Variants in TRAPPC9 observed in about 807,000 individuals in gnomAD.
TRAPPC9 encodes the protein IKK2 binding protein.
Under a neutral mutation model 124.0 loss-of-function variants are expected in TRAPPC9, and 83 were observed. That is an observed-to-expected ratio of 0.67 (90% CI 0.56 to 0.80). TRAPPC9 has a LOEUF of 0.80. Among genes scored for constraint, TRAPPC9 ranks in the 30% least tolerant of loss-of-function variants. TRAPPC9 has a pLI of 0.00. For synonymous variants in TRAPPC9, 638 were observed against 617.5 expected, an observed-to-expected ratio of 1.03 and a Z score of -0.49; for missense variants, 1,302 against 1,508.3, an observed-to-expected ratio of 0.86 and a Z score of 2.27.
intron 17 of TRAPPC9, among the ~76,000 whole-genome samples, chr8:140,080,932 G>A (rs943981940): frequency 1.3e-5 from 2 of 152,156 alleles, no homozygotes; most frequent in South Asian, 2.1e-4. Context: ...ACTCTCTCCC[G>A]AGGTCCTCAT....
intron 21 of TRAPPC9, among the ~76,000 whole-genome samples, chr8:139,755,610 G>A (rs1482681256): frequency 7.1e-4 from 89 of 125,310 alleles, no homozygotes; most frequent in African/African-American, 2.9e-3. Flanking sequence ...GAGGAGCCAG[G>A]GTTGGGGTAT....
chr8:139,912,959 C>T (rs1831846133), intron 19 of TRAPPC9, among the ~76,000 whole-genome samples: 1 of 152,200 alleles, frequency 6.6e-6, no homozygotes. Flanking sequence ...AAGTTCACTG[C>T]TTGATAATCC....
At chr8:139,803,225 T>C (rs564622371) in intron 21 of TRAPPC9, among the ~76,000 whole-genome samples, 1 of 152,272 alleles carries the variant, frequency 6.6e-6, no homozygotes, top group East Asian at 1.9e-4. Flanking sequence ...TGAAGGTGTA[T>C]GTCTGTGTGC....
At chr8:139,997,799 A>G (rs1554603722) in intron 18 of TRAPPC9, among the ~76,000 whole-genome samples, 1 of 144,538 alleles carries the variant, frequency 6.9e-6, no homozygotes, top group African/African-American at 2.6e-5. Flanking sequence ...CAGGGAGACA[A>G]TGCATCCTAC....
intron 21 of TRAPPC9, among the ~76,000 whole-genome samples, chr8:139,811,160 C>G (rs940350611): frequency 3.3e-5 from 5 of 151,792 alleles, no homozygotes. Flanking sequence ...GAACAAGGTT[C>G]TATAAAAAGG....
rs112613237 is a variant in TRAPPC9 at position 140,040,680 on chromosome 8, C to T, written c.2557-16601G>A. 446 of 152,568 alleles carry T rather than the reference C, an allele frequency of 2.9e-3. 4 individuals carry two copies. Among genetic ancestry groups the T allele is most frequent in the African/African-American group, 0.01 (423 of 41,596 alleles). 9.5% of individuals were successfully genotyped at this position (152,568 alleles called of 1,614,324 possible). ...TACAGGCGTAAGCCACCACGCTCGG[C>T]CGCACACTGGCAAGCTTTCTATGTC... On this transcript the variant is annotated intron_variant, in intron 17 of 22. Transcript: ENST00000438773.
chr8:139,752,179 C>T (rs570655836), intron 21 of TRAPPC9, among the ~76,000 whole-genome samples: 43 of 149,598 alleles, frequency 2.9e-4, no homozygotes, highest in Admixed American at 8.0e-4. Context: ...ACCATCTATC[C>T]GCCATCCATC....
chr8:140,035,315 C>T (rs557370940), intron 17 of TRAPPC9, among the ~76,000 whole-genome samples: 1 of 152,368 alleles, frequency 6.6e-6, no homozygotes, highest in African/African-American at 2.4e-5. Flanking sequence ...ACAGCCAGCA[C>T]TTCATCAGAC....
chr8:140,415,839 C>T (rs1443208380), intron 5 of TRAPPC9, among the ~76,000 whole-genome samples: 2 of 152,000 alleles, frequency 1.3e-5, no homozygotes, highest in South Asian at 2.1e-4. Context: ...ATGGTGCATA[C>T]CTGAAGTCCT....
intron 17 of TRAPPC9, among the ~76,000 whole-genome samples, chr8:140,142,809 T>A (rs554506721): frequency 6.6e-6 from 1 of 152,348 alleles, no homozygotes; most frequent in Admixed American, 6.5e-5. Flanking sequence ...CTTCATTTCT[T>A]CATTTGTAAA....
chr8:140,095,398 A>G (rs2130257102), intron 17 of TRAPPC9: 1 of 151,324 alleles, frequency 6.6e-6, no homozygotes, highest in South Asian at 2.1e-4. Flanking sequence ...TAGAAAGCTG[A>G]TGACCGGCTG....
At chr8:139,815,820 A>C (rs972935876) in intron 21 of TRAPPC9, among the ~76,000 whole-genome samples, 4 of 152,224 alleles carry the variant, frequency 2.6e-5, no homozygotes, top group African/African-American at 7.2e-5. Context: ...GAACACACAC[A>C]CAGAGGGCAA....
intron 17 of TRAPPC9, among the ~76,000 whole-genome samples, chr8:140,154,157 T>C (rs193285696): frequency 1.5e-4 from 23 of 152,200 alleles, no homozygotes; most frequent in Middle Eastern, 3.4e-3. Context: ...AGAGAACACC[T>C]TTCCTTTCCC....
intron 21 of TRAPPC9, among the ~76,000 whole-genome samples, chr8:139,767,364 A>C (rs1188834396): frequency 6.6e-6 from 1 of 152,228 alleles, no homozygotes; most frequent in Non-Finnish European, 1.5e-5. Context: ...AACTGCTACC[A>C]GAGAAGGAGG....
intron 2 of TRAPPC9, among the ~76,000 whole-genome samples, chr8:140,448,846 G>A (rs920322317): frequency 6.6e-6 from 1 of 152,184 alleles, no homozygotes; most frequent in East Asian, 1.9e-4. Context: ...AGACAGACCT[G>A]GTGCTTATAT....
intron 19 of TRAPPC9, among the ~76,000 whole-genome samples, chr8:139,986,886 G>T (rs547740591): frequency 1.3e-5 from 2 of 152,280 alleles, no homozygotes; most frequent in South Asian, 2.1e-4. Flanking sequence ...CTCTCCAGAA[G>T]GAACCAATGT....
At position 140,445,100 on chromosome 8, in the gene TRAPPC9, G is replaced by A. The variant is rs1044835775; in HGVS notation, c.584+5690C>T. Among the ~76,000 whole-genome samples the A allele has an allele frequency of 6.6e-5, 10 of 152,204 alleles. 1 individual carries two copies. Among genetic ancestry groups the A allele is most frequent in the Admixed American group, 4.6e-4 (7 of 15,282 alleles). Reference sequence around the variant, plus strand: ...ATCCGATTGCCTCTTTAATCTCTCCGTTTGAATGCCCAACAGGCATCTCAA... The same window carrying A: ...ATCCGATTGCCTCTTTAATCTCTCCATTTGAATGCCCAACAGGCATCTCAA... On this transcript the variant is annotated intron_variant, in intron 2 of 22. Transcript: ENST00000438773.
chr8:140,132,873 C>A (rs371129958), intron 17 of TRAPPC9, among the ~76,000 whole-genome samples: 1 of 152,078 alleles, frequency 6.6e-6, no homozygotes, highest in African/African-American at 2.4e-5. Context: ...CTTGGCAGCA[C>A]GCAAGAGAGG....
At chr8:139,805,989 G>C (rs940314033) in intron 21 of TRAPPC9, 6 of 152,286 alleles carry the variant, frequency 3.9e-5, no homozygotes, top group Non-Finnish European at 1.5e-5. Flanking sequence ...CGCGGAGCAC[G>C]CTGGAGAAGG....
Sources: allele counts gnomAD v4.1 joint callset (sites outside exome capture counted in the v4.1 genomes callset), GRCh38; gene constraint gnomAD v4.1.1; transcripts MANE v1.5; gene names NCBI Gene and HGNC (gene_info 2026-07-23, HGNC 2026-07-21).